The following MAML2 variants were observed in gnomAD, a reference collection of about 807,000 sequenced individuals.
MAML2 encodes the protein mastermind like transcriptional coactivator 2, also known as mastermind-like protein 2.
MAML2 carries 22 observed loss-of-function variants against 96.1 expected under a neutral mutation model. The ratio of observed to expected loss-of-function variants is 0.23; its 90% CI spans 0.16 to 0.33. The LOEUF is 0.33. Ranked by LOEUF, MAML2 falls within the 10% of genes least tolerant of loss-of-function variation. The pLI, the probability that MAML2 is intolerant of heterozygous loss-of-function variation, is 1.00. For synonymous variants in MAML2, 561 were observed against 521.3 expected, an observed-to-expected ratio of 1.08 and a Z score of -1.04; for missense variants, 1,367 against 1,392.4, an observed-to-expected ratio of 0.98 and a Z score of 0.29.
chr11:96,233,809 C>T (rs1454786947), intron 1 of MAML2, among the ~76,000 whole-genome samples: 5 of 152,052 alleles, frequency 3.3e-5, no homozygotes, highest in African/African-American at 9.7e-5. Flanking sequence ...TTTCACCTGC[C>T]GTGTAGTTGG....
intron 2 of MAML2, among the ~76,000 whole-genome samples, chr11:96,087,759 A>G (rs1287142098): frequency 6.6e-6 from 1 of 152,194 alleles, no homozygotes; most frequent in African/African-American, 2.4e-5. Context: ...CTATGAACCC[A>G]AACTCTGGCA....
intron 1 of MAML2, among the ~76,000 whole-genome samples, chr11:96,260,795 CA>C (rs113056889): frequency 0.022 from 3,083 of 137,570 alleles, 42 homozygotes; most frequent in Non-Finnish European, 0.036. Flanking sequence ...TATTTGCAGG[CA>C]AAAAAAAAAA....
chr11:96,042,308 G>A (rs768072822), intron 2 of MAML2, among the ~76,000 whole-genome samples: 2 of 152,082 alleles, frequency 1.3e-5, no homozygotes, highest in Non-Finnish European at 2.9e-5. Flanking sequence ...TTTTAGTAGA[G>A]ACCAGGTTTC....
At chr11:96,163,591 A>T (rs2135891751) in intron 1 of MAML2, among the ~76,000 whole-genome samples, 1 of 152,184 alleles carries the variant, frequency 6.6e-6, no homozygotes, top group African/African-American at 2.4e-5. Context: ...CTATACAGCT[A>T]CTCCATCTTC....
intron 1 of MAML2, among the ~76,000 whole-genome samples, chr11:96,321,150 C>A (rs1475840896): frequency 6.6e-6 from 1 of 152,214 alleles, no homozygotes; most frequent in Non-Finnish European, 1.5e-5. Context: ...ACTTCCAGAT[C>A]TTTCTATACT....
intron 2 of MAML2, among the ~76,000 whole-genome samples, chr11:96,041,825 T>G (rs566720733): frequency 2.4e-4 from 36 of 152,134 alleles, no homozygotes; most frequent in Admixed American, 1.8e-3. Context: ...TTCTTTTTTT[T>G]GGGGGACAGA....
At chr11:96,029,164 G>GT (rs35004085) in intron 2 of MAML2, among the ~76,000 whole-genome samples, 2,175 of 141,612 alleles carry the variant, frequency 0.015, 40 homozygotes, top group African/African-American at 0.044. Context: ...GAGTGAAACG[G>GT]TTTTTTTTTT....
chr11:96,178,002 G>T, intron 1 of MAML2, among the ~76,000 whole-genome samples: 1 of 146,812 alleles, frequency 6.8e-6, no homozygotes, highest in African/African-American at 2.5e-5. Flanking sequence ...ATCCTGATGA[G>T]ATCTACAATT....
intron 1 of MAML2, among the ~76,000 whole-genome samples, chr11:96,194,852 C>T (rs1934424243): frequency 6.6e-6 from 1 of 152,214 alleles, no homozygotes; most frequent in Non-Finnish European, 1.5e-5. Context: ...TCAACCTCTC[C>T]AGCTTCTCTG....
intron 1 of MAML2, among the ~76,000 whole-genome samples, chr11:96,113,177 A>AC (rs1860161454): frequency 3.2e-5 from 1 of 31,076 alleles, no homozygotes; most frequent in Non-Finnish European, 7.9e-5. Context: ...AAAGACAAAA[A>AC]AAAAAAAAAA....
intron 1 of MAML2, among the ~76,000 whole-genome samples, chr11:96,279,599 C>T (rs1287979533): frequency 6.6e-6 from 1 of 152,198 alleles, no homozygotes; most frequent in Admixed American, 6.5e-5. Context: ...GAATCTAGGT[C>T]TCTCCTGTCC....
At chr11:96,327,182 C>A (rs928295255) in intron 1 of MAML2, among the ~76,000 whole-genome samples, 1 of 152,046 alleles carries the variant, frequency 6.6e-6, no homozygotes, top group African/African-American at 2.4e-5. Context: ...AATAATGCAG[C>A]CAAGCAAAAT....
intron 1 of MAML2, among the ~76,000 whole-genome samples, chr11:96,104,026 C>T (rs1383314224): frequency 2.0e-5 from 3 of 152,194 alleles, no homozygotes; most frequent in East Asian, 1.9e-4. Context: ...CCTTAAGTCT[C>T]GACTTAATGT....
chr11:96,070,835 ACTATGGGATGCACACAG>A (rs1859333601), intron 2 of MAML2, among the ~76,000 whole-genome samples: 1 of 152,272 alleles, frequency 6.6e-6, no homozygotes, highest in African/African-American at 2.4e-5. Flanking sequence ...CTGTAACACA[ACTATGGGATGCACACAG>A]CTATGTGTTC....
rs145275300 is a variant in MAML2, at chr11:96,035,523, C to T, written c.2140-43800G>A. Among the ~76,000 whole-genome samples the T allele has an allele frequency of 4.4e-3, 669 of 152,212 alleles. 7 individuals carry two copies. Among genetic ancestry groups the T allele is most frequent in the Admixed American group, 6.7e-3 (103 of 15,264 alleles). On this transcript the variant is annotated intron_variant, in intron 2 of 4. Coordinates refer to ENST00000524717, the MANE Select transcript of MAML2 (RefSeq NM_032427.4). ...AGTCATGTAGAGCAAGAAATAGTATCGTGGTAACCCAAAGTCCTGTGCAGG... is the reference window on the plus strand; with the variant it reads ...AGTCATGTAGAGCAAGAAATAGTATTGTGGTAACCCAAAGTCCTGTGCAGG...
At chr11:96,138,561 C>A (rs891970498) in intron 1 of MAML2, among the ~76,000 whole-genome samples, 8 of 152,088 alleles carry the variant, frequency 5.3e-5, no homozygotes, top group Admixed American at 4.6e-4. Context: ...GATCTTATTG[C>A]ACTCTTCCTG....
At chr11:96,103,767 A>G (rs1859974472) in intron 1 of MAML2, among the ~76,000 whole-genome samples, 1 of 152,078 alleles carries the variant, frequency 6.6e-6, no homozygotes, top group African/African-American at 2.4e-5. Flanking sequence ...ATCTACATTC[A>G]GTGACTCTGA....
intron 1 of MAML2, among the ~76,000 whole-genome samples, chr11:96,148,842 A>G (rs1860868020): frequency 6.6e-6 from 1 of 152,220 alleles, no homozygotes; most frequent in Non-Finnish European, 1.5e-5. Flanking sequence ...AGAGGAGTTG[A>G]GACAAAGCTT....
chr11:96,086,900 A>G (rs1859624917), intron 2 of MAML2, among the ~76,000 whole-genome samples: 1 of 152,158 alleles, frequency 6.6e-6, no homozygotes, highest in South Asian at 2.1e-4. Context: ...ATTTTTCCCG[A>G]GGTGGTGATT....
Sources: gnomAD v4.1 joint callset for allele counts (sites outside exome capture counted in the v4.1 genomes callset) on GRCh38, gnomAD v4.1.1 for gene constraint, MANE v1.5 for transcripts, NCBI Gene and HGNC (gene_info 2026-07-23, HGNC 2026-07-21) for gene names.